Variants in CSMD2 observed in about 807,000 individuals in gnomAD.
CSMD2 encodes CUB and sushi domain-containing protein 2.
In CSMD2, 130 loss-of-function variants were observed where a neutral mutation model predicts 398.5. The observed-to-expected ratio is 0.33, with a 90% confidence interval of 0.28 to 0.38. CSMD2 has a LOEUF of 0.38. Among genes scored for constraint, CSMD2 ranks in the 10% least tolerant of loss-of-function variants. The pLI, the probability that CSMD2 is intolerant of heterozygous loss-of-function variation, is 1.00. For missense variants in CSMD2, 3,829 were observed against 4,764.9 expected (o/e 0.80, Z 5.78); for synonymous variants, 1,828 against 1,908.5 (o/e 0.96, Z 1.10).
intron 27 of CSMD2, among the ~76,000 whole-genome samples, chr1:33,656,380 C>T (rs1485372284): frequency 6.6e-6 from 1 of 152,216 alleles, no homozygotes; most frequent in Non-Finnish European, 1.5e-5. Flanking sequence ...GTTCCCTACA[C>T]AGCAGAATAC....
At chr1:34,165,671 C>A, upstream of CSMD2, 2 of 1,401,422 alleles carry the variant, frequency 1.4e-6, no homozygotes, top group East Asian at 4.6e-5. Flanking sequence ...CACACCTCTT[C>A]CACGTTTGGA....
At chr1:34,151,821 C>A (rs995233330) in intron 1 of CSMD2, among the ~76,000 whole-genome samples, 3 of 148,388 alleles carry the variant, frequency 2.0e-5, no homozygotes, top group Admixed American at 1.3e-4. Flanking sequence ...CCCTCCCCCC[C>A]CTTCTCTCTT....
At chr1:33,896,378 C>T (rs1438206430) in intron 5 of CSMD2, among the ~76,000 whole-genome samples, 1 of 152,102 alleles carries the variant, frequency 6.6e-6, no homozygotes, top group Admixed American at 6.5e-5. Context: ...CTGGAGGCCT[C>T]GGTGAAGCTT....
chr1:33,684,720 G>A (rs990664707), intron 25 of CSMD2, among the ~76,000 whole-genome samples: 1 of 152,138 alleles, frequency 6.6e-6, no homozygotes, highest in Non-Finnish European at 1.5e-5. Context: ...GCCTGGGAGG[G>A]CCTCACCTCC....
chr1:33,860,299 A>G (rs1162788341), intron 5 of CSMD2, among the ~76,000 whole-genome samples: 1 of 152,120 alleles, frequency 6.6e-6, no homozygotes, highest in Non-Finnish European at 1.5e-5. Flanking sequence ...CTGATCAGGT[A>G]TTTGGTAGAA....
intron 44 of CSMD2, among the ~76,000 whole-genome samples, chr1:33,597,157 T>G (rs998339976): frequency 6.6e-6 from 1 of 152,226 alleles, no homozygotes; most frequent in East Asian, 1.9e-4. Context: ...TTTTTCCTTT[T>G]TCTTATTGAT....
intron 5 of CSMD2, among the ~76,000 whole-genome samples, chr1:33,900,448 T>C (rs1570442310): frequency 2.6e-5 from 4 of 152,238 alleles, no homozygotes; most frequent in Admixed American, 2.6e-4. Flanking sequence ...TTACATCAGG[T>C]TTCTTAATCT....
chr1:33,896,946 T>C (rs985885623), intron 5 of CSMD2, among the ~76,000 whole-genome samples: 3 of 150,238 alleles, frequency 2.0e-5, no homozygotes, highest in African/African-American at 7.4e-5. Context: ...AGGAAGCCAT[T>C]GTGGCTGGGG....
In CSMD2 at chr1:33,519,100, C is replaced by G. The variant is rs547108826; in HGVS notation, c.*53+365G>C. Among the ~76,000 whole-genome samples the G allele has an allele frequency of 3.6e-4, 55 of 152,144 alleles. No homozygotes were observed. The highest frequency in any genetic ancestry group is 1.5e-5 in the Non-Finnish European group (1 of 67,988). On this transcript the variant is annotated intron_variant, in intron 70 of 70. Transcript: ENST00000373381. This position sits in a 1 kb window ranked among gnomAD's most constrained non-coding sequence, Gnocchi z 5.6. ...TAGAGAGAAACAGACTAGTACATGCCGATGTTCTGCCAAGCCCAGGGGTGA... is the reference window on the plus strand; with the variant it reads ...TAGAGAGAAACAGACTAGTACATGCGGATGTTCTGCCAAGCCCAGGGGTGA...
rs114106168 is a variant in CSMD2, at chr1:33,614,521, G to T, written c.6116C>A (p.Ala2039Glu). ...AGACTTACCAAAGCCCACGGGCAGT[G>T]CTATTTTCCAGGAGCAGTCCATGTT... The part of the protein sequence containing the change: ...PSNMDCSWKI[A>E]LPVGFGAHIQ... The change falls in exon 40 of 71, where the codon GCA becomes GAA. Residue 2039 changes from alanine to glutamate, a missense_variant. This residue lies in a region of CSMD2 where 2,001 missense variants were observed against 2,567.1 expected (regional missense o/e 0.78). Coordinates refer to ENST00000373381, the MANE Select transcript of CSMD2 (RefSeq NM_001281956.2). The T allele has an allele frequency of 6.2e-7, 1 of 1,602,252 alleles. No individual in the cohort carries two copies. The highest frequency in any genetic ancestry group is 1.7e-5 in the Admixed American group (1 of 59,916).
At chr1:34,089,225 G>T in intron 1 of CSMD2, 32 bp from the exon 2 acceptor site, 1 of 1,587,072 alleles carries the variant, frequency 6.3e-7, no homozygotes, top group Middle Eastern at 1.7e-4. Flanking sequence ...GTTCAGAATA[G>T]CCAGAATAAC....
chr1:33,652,228 G>T (rs986529876), intron 28 of CSMD2, 95 bp downstream of exon 28: 25 of 1,328,388 alleles, frequency 1.9e-5, no homozygotes, highest in Non-Finnish European at 2.4e-5. Context: ...TGAGAACTCT[G>T]CTACAGACCT....
At chr1:33,902,789 G>T (rs955749962) in intron 5 of CSMD2, among the ~76,000 whole-genome samples, 2 of 152,126 alleles carry the variant, frequency 1.3e-5, no homozygotes, top group African/African-American at 4.8e-5. Context: ...GGTCCCTGGC[G>T]GTCCCCAAGT....
At chr1:33,888,530 A>AATTCATT (rs1041173067) in intron 5 of CSMD2, among the ~76,000 whole-genome samples, 40 of 152,292 alleles carry the variant, frequency 2.6e-4, no homozygotes, top group African/African-American at 8.4e-4. Context: ...GTTTGGAGTT[A>AATTCATT]ATTCATTATT....
chr1:33,848,285 T>G (rs1029621870), intron 5 of CSMD2, among the ~76,000 whole-genome samples: 7 of 152,190 alleles, frequency 4.6e-5, no homozygotes, highest in African/African-American at 1.7e-4. Flanking sequence ...GGGGGCTGCA[T>G]GTAAGAAGAC....
chr1:34,154,089 A>G (rs1342827690), intron 1 of CSMD2, among the ~76,000 whole-genome samples: 3 of 152,228 alleles, frequency 2.0e-5, no homozygotes, highest in Non-Finnish European at 4.4e-5. Flanking sequence ...AAAGAATATA[A>G]ATAGGTAATT....
chr1:33,866,285 C>T (rs898898882), intron 5 of CSMD2, among the ~76,000 whole-genome samples: 6 of 152,164 alleles, frequency 3.9e-5, no homozygotes, highest in African/African-American at 1.2e-4. Context: ...TGCTAAGTTC[C>T]CGCCCTATAA....
intron 2 of CSMD2, among the ~76,000 whole-genome samples, chr1:34,068,878 A>G (rs150993346): frequency 6.6e-6 from 1 of 152,180 alleles, no homozygotes; most frequent in Non-Finnish European, 1.5e-5. Context: ...GCTGCCATCC[A>G]TGTAAGATGT....
intron 2 of CSMD2, among the ~76,000 whole-genome samples, chr1:34,053,922 C>T (rs981888128): frequency 1.3e-5 from 2 of 152,170 alleles, no homozygotes; most frequent in African/African-American, 4.8e-5. Context: ...CTCTAGCAGC[C>T]TGCGGCAGAG....
Sources: gnomAD v4.1 joint callset for allele counts (sites outside exome capture counted in the v4.1 genomes callset) on GRCh38, gnomAD v4.1.1 for gene constraint, gnomAD v4.1.1 regional missense constraint, Gnocchi (gnomAD v3.1) non-coding constraint, MANE v1.5 for transcripts, NCBI Gene and HGNC (gene_info 2026-07-23, HGNC 2026-07-21) for gene names.